ATP5MJ: variants seen among roughly 807,000 people sequenced by gnomAD.
ATP5MJ encodes the protein ATP synthase membrane subunit j, also known as ATP synthase F(0) complex subunit j, mitochondrial.
In ATP5MJ, 4 loss-of-function variants were observed where a neutral mutation model predicts 8.3. The observed-to-expected ratio is 0.48, with a 90% confidence interval of 0.24 to 1.11. The LOEUF (loss-of-function observed/expected upper bound fraction) is 1.11. ATP5MJ is among the 50% of genes least tolerant of loss of function. The probability of loss-of-function intolerance (pLI) is 0.18; values close to 1 mark genes in which losing one functional copy is unlikely to be tolerated. For synonymous variants in ATP5MJ, 23 were observed against 21.3 expected, an observed-to-expected ratio of 1.08 and a Z score of -0.23; for missense variants, 66 against 71.8, an observed-to-expected ratio of 0.92 and a Z score of 0.29.
At chr14:103,916,386 ACAGT>A (rs2087626070) in intron 1 of ATP5MJ, among the ~76,000 whole-genome samples, 2 of 152,212 alleles carry the variant, frequency 1.3e-5, no homozygotes, top group Admixed American at 6.5e-5. Context: ...CCATTAAACT[ACAGT>A]CAAATAGCTG....
rs547293523 is a variant in ATP5MJ at position 103,916,896 on chromosome 14, C to G, written c.1-1707G>C. Among the ~76,000 whole-genome samples, 223 of 152,266 alleles carry G rather than the reference C, an allele frequency of 1.5e-3. 2 individuals are homozygous for G. Among genetic ancestry groups the G allele is most frequent in the African/African-American group, 5.1e-3 (212 of 41,550 alleles). Reference sequence around the variant, plus strand: ...AGTGTGCTCCCTTTCCCACACTGCGCAGCTGTGTGTGTCAGCTTTACCGCA... The same window carrying G: ...AGTGTGCTCCCTTTCCCACACTGCGGAGCTGTGTGTGTCAGCTTTACCGCA... On this transcript the variant is annotated intron_variant, in intron 1 of 3. Transcript: ENST00000286953.
Position 103,915,121 on chromosome 14 carries a change from C to T in ATP5MJ, c.69G>A (p.Glu23=). The T allele has an allele frequency of 6.2e-7, 1 of 1,614,134 alleles. No homozygotes were observed. Among genetic ancestry groups the T allele is most frequent in the African/African-American group, 1.3e-5 (1 of 75,024 alleles). ...MKPYYTKVYQ[E]IWIGMGLMGF... ...CCATCAGCCCCATTCCTATCCAAAT[C>T]TCCTGGTAAACTTTGGTGTAGTAGG... The change falls in exon 2 of 4, where the codon GAG becomes GAA. Residue 23 remains glutamate, a synonymous_variant. Transcript: ENST00000286953.
intron 1 of ATP5MJ, chr14:103,918,171 G>A (rs756571395): frequency 1.3e-5 from 2 of 152,266 alleles, no homozygotes; most frequent in Non-Finnish European, 2.9e-5. Context: ...ACCCAGAGGA[G>A]GTTTCTGGAA....
intron 1 of ATP5MJ, among the ~76,000 whole-genome samples, chr14:103,916,229 C>A (rs1191238925): frequency 1.3e-5 from 2 of 152,172 alleles, no homozygotes; most frequent in Non-Finnish European, 2.9e-5. Context: ...TTGGGAAAAG[C>A]CATTAAATTC....
intron 1 of ATP5MJ, among the ~76,000 whole-genome samples, chr14:103,916,727 CAA>C (rs1340950948): frequency 6.6e-6 from 1 of 152,134 alleles, no homozygotes; most frequent in Non-Finnish European, 1.5e-5. Flanking sequence ...GCCTGGGTGA[CAA>C]AGTGAGACTC....
chr14:103,914,837 C>CAA (rs35916279), intron 2 of ATP5MJ: 4,399 of 188,222 alleles, frequency 0.023, 9 homozygotes, highest in South Asian at 0.044. Flanking sequence ...AGACTGTCTC[C>CAA]AAAAAAAAAA....
intron 2 of ATP5MJ, chr14:103,914,837 C>CA (rs35916279): frequency 0.13 from 25,354 of 188,310 alleles, 699 homozygotes; most frequent in African/African-American, 0.28. Context: ...AGACTGTCTC[C>CA]AAAAAAAAAA....
intron 1 of ATP5MJ, 60 bp from the exon 2 acceptor site, chr14:103,915,249 A>C: frequency 6.3e-7 from 1 of 1,580,146 alleles, no homozygotes; most frequent in Non-Finnish European, 8.7e-7. Flanking sequence ...CTAACTGGTA[A>C]AAGATTTTAA....
chr14:103,915,170 T>TTAA lies in ATP5MJ; in HGVS notation c.17_19dup (p.Ile6dup), dbSNP rs753891703. 1.2e-6 allele frequency: 2 copies of TTAA among 1,613,518 alleles called. No individual in the cohort carries two copies. The highest frequency in any genetic ancestry group is 1.7e-6 in the Non-Finnish European group (2 of 1,179,616). ...GGGCTTCATGGGGATCCATATGTTT[T>TTAA]TAATAATACTTTGAAGCATCTGAAA... is the stretch of plus-strand genomic sequence containing the variant. On this transcript the variant is annotated inframe_insertion, in exon 2 of 4. Coordinates refer to ENST00000286953, the MANE Select transcript of ATP5MJ (RefSeq NM_004894.3).
At chr14:103,916,214 TTTGA>T (rs550389100) in intron 1 of ATP5MJ, among the ~76,000 whole-genome samples, 27 of 152,256 alleles carry the variant, frequency 1.8e-4, no homozygotes, top group Non-Finnish European at 3.4e-4. Context: ...AATTACTGAA[TTTGA>T]TTGGGAAAAG....
intron 1 of ATP5MJ, among the ~76,000 whole-genome samples, chr14:103,919,970 G>C (rs2087660529): frequency 6.6e-6 from 1 of 151,254 alleles, no homozygotes; most frequent in Non-Finnish European, 1.5e-5. Flanking sequence ...GGGACTACAA[G>C]AGGCCGCCAC....
intron 2 of ATP5MJ, 168 bp from the exon 3 acceptor site, chr14:103,914,152 T>C (rs921370777): frequency 3.1e-6 from 2 of 642,564 alleles, no homozygotes; most frequent in Non-Finnish European, 5.3e-6. Flanking sequence ...CCAAAGATGT[T>C]CTATGAACAG....
At chr14:103,920,512 A>G (rs2087668225) in intron 1 of ATP5MJ, among the ~76,000 whole-genome samples, 1 of 125,026 alleles carries the variant, frequency 8.0e-6, no homozygotes, top group Admixed American at 8.8e-5. Context: ...TCACTCGGTC[A>G]TCAGGCTGGA....
intron 1 of ATP5MJ, among the ~76,000 whole-genome samples, chr14:103,917,129 G>C (rs2087631839): frequency 6.6e-6 from 1 of 152,214 alleles, no homozygotes; most frequent in Non-Finnish European, 1.5e-5. Context: ...TCCGAGGTCA[G>C]AATGAACTCG....
chr14:103,919,193 G>A (rs976796350), intron 1 of ATP5MJ, among the ~76,000 whole-genome samples: 1 of 151,522 alleles, frequency 6.6e-6, no homozygotes, highest in Non-Finnish European at 1.5e-5. Context: ...GACCAGCCTG[G>A]CTAACATGGC....
intron 2 of ATP5MJ, chr14:103,914,254 T>C: frequency 1.8e-6 from 1 of 564,544 alleles, no homozygotes; most frequent in African/African-American, 1.9e-5. Flanking sequence ...TTTCTCTTTG[T>C]AATCAATGGC....
intron 1 of ATP5MJ, among the ~76,000 whole-genome samples, chr14:103,920,132 T>G (rs1201987337): frequency 8.1e-6 from 1 of 122,762 alleles, no homozygotes; most frequent in Non-Finnish European, 1.7e-5. Flanking sequence ...GCCCCTACTT[T>G]TTTTTTTTTT....
intron 1 of ATP5MJ, chr14:103,918,044 G>A (rs2087639701): frequency 6.6e-6 from 1 of 152,244 alleles, no homozygotes; most frequent in Non-Finnish European, 1.5e-5. Flanking sequence ...GGAACACCTT[G>A]CAGATAGTCC....
intron 1 of ATP5MJ, among the ~76,000 whole-genome samples, chr14:103,919,410 GTGAC>G (rs1441285150): frequency 6.8e-6 from 1 of 147,004 alleles, no homozygotes; most frequent in Non-Finnish European, 1.5e-5. Context: ...AAAGAATTCA[GTGAC>G]TGATCACAGC....
Sources: allele counts gnomAD v4.1 joint callset (sites outside exome capture counted in the v4.1 genomes callset), GRCh38; gene constraint gnomAD v4.1.1; transcripts MANE v1.5; gene names NCBI Gene and HGNC (gene_info 2026-07-23, HGNC 2026-07-21).